The following SPMIP6 variants were observed in gnomAD, a reference collection of about 807,000 sequenced individuals.
The protein encoded by SPMIP6 is ciliated bronchial epithelial protein 1.
the SPMIP6 span, among the ~76,000 whole-genome samples, chr9:34,393,969 C>T: frequency 6.6e-6 from 1 of 151,686 alleles, no homozygotes; most frequent in African/African-American, 2.4e-5. Context: ...TTATTGCTTG[C>T]TTATTTTAAT....
At chr9:34,380,093 C>T in the SPMIP6 span, among the ~76,000 whole-genome samples, 1 of 152,152 alleles carries the variant, frequency 6.6e-6, no homozygotes, top group Non-Finnish European at 1.5e-5. Flanking sequence ...AGACACTTTC[C>T]CACTCCCCTA....
the SPMIP6 span, among the ~76,000 whole-genome samples, chr9:34,394,503 G>T: frequency 1.3e-5 from 2 of 148,150 alleles, no homozygotes; most frequent in Admixed American, 6.7e-5. Context: ...TGAAATTCTT[G>T]GGAGTTTAAG....
the SPMIP6 span, chr9:34,385,612 G>A: frequency 6.2e-7 from 1 of 1,608,996 alleles, no homozygotes. Flanking sequence ...GTCATTTTAG[G>A]GGTCAGCAAA....
the SPMIP6 span, among the ~76,000 whole-genome samples, chr9:34,383,841 A>G: frequency 6.6e-6 from 1 of 152,230 alleles, no homozygotes; most frequent in Non-Finnish European, 1.5e-5. Context: ...TGCTTGGCAC[A>G]TAAAAAACTA....
At chr9:34,387,865 C>T in the SPMIP6 span, among the ~76,000 whole-genome samples, 2 of 152,276 alleles carry the variant, frequency 1.3e-5, no homozygotes, top group South Asian at 4.1e-4. Flanking sequence ...TTCCTCTTGG[C>T]TGATGAGATT....
chr9:34,387,869 T>A, the SPMIP6 span, among the ~76,000 whole-genome samples: 1 of 152,234 alleles, frequency 6.6e-6, no homozygotes, highest in Non-Finnish European at 1.5e-5. Flanking sequence ...TCTTGGCTGA[T>A]GAGATTCTTC....
At chr9:34,381,140 G>A in the SPMIP6 span, 1 of 1,574,570 alleles carries the variant, frequency 6.4e-7, no homozygotes. This position sits in a 1 kb window ranked among gnomAD's most constrained non-coding sequence, Gnocchi z 4.4. Context: ...CTCTGCTCCC[G>A]CGGGTCCCCA....
At chr9:34,381,628 G>A in the SPMIP6 span, 11 of 1,437,110 alleles carry the variant, frequency 7.7e-6, no homozygotes, top group East Asian at 2.3e-4. The surrounding 1 kb of genome is among the most constrained non-coding windows in gnomAD (Gnocchi z 4.4). Context: ...ATCGCCAACA[G>A]GGGCGGGGTG....
chr9:34,397,622 G>C, the SPMIP6 span: 4 of 1,605,330 alleles, frequency 2.5e-6, no homozygotes, highest in East Asian at 8.9e-5. Context: ...TCTTACGGGA[G>C]AACAGGAACA....
the SPMIP6 span, among the ~76,000 whole-genome samples, chr9:34,389,488 C>A: frequency 6.6e-6 from 1 of 152,060 alleles, no homozygotes; most frequent in Non-Finnish European, 1.5e-5. Flanking sequence ...TTCAAAAAAT[C>A]CTTTTGGGAT....
the SPMIP6 span, chr9:34,379,853 C>T: frequency 1.4e-6 from 1 of 696,612 alleles, no homozygotes; most frequent in African/African-American, 1.8e-5. The surrounding 1 kb of genome is among the most constrained non-coding windows in gnomAD (Gnocchi z 4.2). Flanking sequence ...AAATCCTCCT[C>T]TCCTTCTTCC....
At chr9:34,393,057 G>T in the SPMIP6 span, among the ~76,000 whole-genome samples, 2 of 152,188 alleles carry the variant, frequency 1.3e-5, no homozygotes, top group African/African-American at 2.4e-5. Context: ...CAAATATCAT[G>T]CAGATTTCTC....
At chr9:34,381,538 C>T in the SPMIP6 span, 5 of 1,570,400 alleles carry the variant, frequency 3.2e-6, no homozygotes, top group Admixed American at 7.1e-5. This position sits in a 1 kb window ranked among gnomAD's most constrained non-coding sequence, Gnocchi z 4.4. Context: ...ATCGCCACGC[C>T]GCAACTTCTC....
At chr9:34,380,807 C>T in the SPMIP6 span, 1 of 1,448,766 alleles carries the variant, frequency 6.9e-7, no homozygotes, top group Non-Finnish European at 9.2e-7. Context: ...GGGGCCTGCA[C>T]GGAAGCTGGC....
the SPMIP6 span, chr9:34,380,770 C>A: frequency 2.6e-6 from 4 of 1,541,754 alleles, no homozygotes; most frequent in East Asian, 2.5e-5. Flanking sequence ...GCCTCGAGAG[C>A]GTGCAGCGCG....
chr9:34,382,923 G>T, the SPMIP6 span: 2 of 1,119,218 alleles, frequency 1.8e-6, no homozygotes, highest in Non-Finnish European at 2.7e-6. Context: ...TCTACTCCAG[G>T]ATCTGAGATC....
At chr9:34,385,903 C>T in the SPMIP6 span, 5 of 905,798 alleles carry the variant, frequency 5.5e-6, no homozygotes, top group Non-Finnish European at 5.0e-6. Context: ...CAACCCCCCT[C>T]CCCATGTCAG....
the SPMIP6 span, among the ~76,000 whole-genome samples, chr9:34,390,799 T>A: frequency 1.3e-5 from 2 of 152,176 alleles, no homozygotes; most frequent in African/African-American, 4.8e-5. Context: ...TTTAAATTTT[T>A]TTGTAGAGAC....
At chr9:34,381,480 C>T in the SPMIP6 span, 2 of 1,613,690 alleles carry the variant, frequency 1.2e-6, no homozygotes, top group Non-Finnish European at 8.5e-7. This position sits in a 1 kb window ranked among gnomAD's most constrained non-coding sequence, Gnocchi z 4.4. Flanking sequence ...AAGCTCTGAC[C>T]TGGCAGAGCT....
Sources: allele counts gnomAD v4.1 joint callset (sites outside exome capture counted in the v4.1 genomes callset), GRCh38; gene constraint gnomAD v4.1.1; non-coding constraint Gnocchi (gnomAD v3.1); transcripts MANE v1.5; gene names NCBI Gene and HGNC (gene_info 2026-07-23, HGNC 2026-07-21).